Variants in GPC5 observed in about 807,000 individuals in gnomAD.
The protein encoded by GPC5 is glypican-5.
GPC5 carries 47 observed loss-of-function variants against 53.9 expected under a neutral mutation model. The ratio of observed to expected loss-of-function variants is 0.87; its 90% CI spans 0.69 to 1.11. The LOEUF is 1.11. Among genes scored for constraint, GPC5 ranks in the 50% most tolerant of loss-of-function variants. The pLI, the probability that GPC5 is intolerant of heterozygous loss-of-function variation, is 0.00. For synonymous variants in GPC5, 286 were observed against 263.3 expected, an observed-to-expected ratio of 1.09 and a Z score of -0.84; for missense variants, 748 against 713.1, an observed-to-expected ratio of 1.05 and a Z score of -0.56.
chr13:92,499,082 C>T (rs1377796695), intron 7 of GPC5, among the ~76,000 whole-genome samples: 1 of 151,896 alleles, frequency 6.6e-6, no homozygotes, highest in African/African-American at 2.4e-5. Context: ...TAGAGAGGAT[C>T]CTGGAATGTC....
intron 6 of GPC5, among the ~76,000 whole-genome samples, chr13:91,934,537 A>G (rs1029607195): frequency 3.3e-5 from 5 of 151,952 alleles, no homozygotes; most frequent in African/African-American, 1.2e-4. Flanking sequence ...ATCTTAAAAA[A>G]CTGGATGTCT....
At chr13:91,957,359 G>T (rs1594687035) in intron 6 of GPC5, among the ~76,000 whole-genome samples, 1 of 152,178 alleles carries the variant, frequency 6.6e-6, no homozygotes. Context: ...CACATTTTAG[G>T]TATCCCAGGA....
At chr13:92,000,846 G>C (rs750670216) in intron 6 of GPC5, among the ~76,000 whole-genome samples, 2 of 152,132 alleles carry the variant, frequency 1.3e-5, no homozygotes, top group Admixed American at 6.6e-5. Flanking sequence ...TATATGTAAG[G>C]CTAGGCAATG....
chr13:91,873,424 G>T (rs1486134901), intron 5 of GPC5, among the ~76,000 whole-genome samples: 1 of 152,140 alleles, frequency 6.6e-6, no homozygotes, highest in Non-Finnish European at 1.5e-5. Context: ...ATTCCCACCT[G>T]TTGAGGGAGT....
chr13:91,606,112 A>G (rs2139273365), intron 2 of GPC5, among the ~76,000 whole-genome samples: 1 of 133,256 alleles, frequency 7.5e-6, no homozygotes, highest in East Asian at 2.2e-4. Flanking sequence ...AGCTCTTATT[A>G]TTTTGAAATA....
rs753380099 is a variant in GPC5 at position 92,646,930 on chromosome 13, A to ATGTGTGTG, written c.1562-219322_1562-219315dup. Among the ~76,000 whole-genome samples the ATGTGTGTG allele has an allele frequency of 5.2e-3, 763 of 146,544 alleles. 2 individuals carry two copies. Among genetic ancestry groups the ATGTGTGTG allele is most frequent in the Middle Eastern group, 0.014 (4 of 284 alleles). On this transcript the variant is annotated intron_variant, in intron 7 of 7. Transcript: ENST00000377067. ...CATATATATGTAAATATATATAAAC[A>ATGTGTGTG]TGTGTGTGTGTGTGTGTGTGTGTGT...
chr13:91,425,007 A>G (rs1186711926), intron 1 of GPC5, among the ~76,000 whole-genome samples: 1 of 152,212 alleles, frequency 6.6e-6, no homozygotes, highest in Admixed American at 6.5e-5. Context: ...CTGCAGGTAG[A>G]AATAGGGTAG....
intron 2 of GPC5, among the ~76,000 whole-genome samples, chr13:91,496,437 C>G (rs760753466): frequency 2.6e-5 from 4 of 152,132 alleles, no homozygotes; most frequent in Non-Finnish European, 5.9e-5. Context: ...CAACGGAGCA[C>G]TATTCAACCA....
At chr13:92,647,453 A>G (rs763988313) in intron 7 of GPC5, among the ~76,000 whole-genome samples, 1 of 152,150 alleles carries the variant, frequency 6.6e-6, no homozygotes, top group Non-Finnish European at 1.5e-5. Context: ...AGCTGCCTAC[A>G]TAGGCTCAGG....
At chr13:91,900,092 T>C (rs79562924) in intron 5 of GPC5, among the ~76,000 whole-genome samples, 58 of 152,282 alleles carry the variant, frequency 3.8e-4, no homozygotes, top group Non-Finnish European at 6.3e-4. Context: ...AAAGTATATT[T>C]TAATGTAGCC....
chr13:91,669,474 C>T (rs771100277), intron 2 of GPC5, among the ~76,000 whole-genome samples: 5 of 152,258 alleles, frequency 3.3e-5, no homozygotes, highest in Admixed American at 6.5e-5. Flanking sequence ...TGGCCAGAAT[C>T]AATATTTCAA....
intron 2 of GPC5, among the ~76,000 whole-genome samples, chr13:91,579,097 A>G (rs970105470): frequency 2.0e-5 from 3 of 152,152 alleles, no homozygotes; most frequent in Admixed American, 6.5e-5. Context: ...GGAAAAGAAA[A>G]CAGAACCAAT....
chr13:92,490,689 A>G (rs972709319), intron 7 of GPC5, among the ~76,000 whole-genome samples: 1 of 152,100 alleles, frequency 6.6e-6, no homozygotes, highest in African/African-American at 2.4e-5. Flanking sequence ...TCACCTCTTC[A>G]TTTTTATGAC....
chr13:92,188,750 TGGA>T lies in GPC5; in HGVS notation c.1561+43765_1561+43767del, dbSNP rs759185595. On this transcript the variant is annotated intron_variant, in intron 7 of 7. Transcript: ENST00000377067. Reference sequence around the variant, plus strand: ...ATATGTTTAATTTTTATTTTGAACATGGAGGAAAAAGAATTGCTTAGTTGACAT... The same window carrying T: ...ATATGTTTAATTTTTATTTTGAACATGGAAAAAGAATTGCTTAGTTGACAT... Among the ~76,000 whole-genome samples, 166 of 152,186 alleles carry T rather than the reference TGGA, an allele frequency of 1.1e-3. 3 individuals carry two copies. The highest frequency in any genetic ancestry group is 3.7e-4 in the Non-Finnish European group (25 of 68,032).
chr13:91,998,755 T>C (rs1165915867), intron 6 of GPC5, among the ~76,000 whole-genome samples: 1 of 152,236 alleles, frequency 6.6e-6, no homozygotes, highest in Non-Finnish European at 1.5e-5. Flanking sequence ...TAATAAATGG[T>C]GTCTTTGCCA....
intron 5 of GPC5, among the ~76,000 whole-genome samples, chr13:91,826,534 A>G (rs1219250813): frequency 1.3e-5 from 2 of 152,226 alleles, no homozygotes; most frequent in African/African-American, 4.8e-5. Flanking sequence ...ATATTAAATT[A>G]CAAAATATTT....
At chr13:92,361,296 G>A (rs753744882) in intron 7 of GPC5, among the ~76,000 whole-genome samples, 1 of 151,560 alleles carries the variant, frequency 6.6e-6, no homozygotes, top group Non-Finnish European at 1.5e-5. Context: ...AATTAGAGTT[G>A]GAATCAGAAG....
At chr13:92,220,078 A>G (rs758804348) in intron 7 of GPC5, among the ~76,000 whole-genome samples, 23 of 152,216 alleles carry the variant, frequency 1.5e-4, no homozygotes, top group Non-Finnish European at 2.9e-4. Context: ...TTTTTGCTTA[A>G]ATTAATAATT....
Position 92,592,900 on chromosome 13 carries a change from C to A in GPC5, c.1562-273382C>A, listed in dbSNP as rs141183594. 8.5e-4 allele frequency among the ~76,000 whole-genome samples: 129 copies of A among 150,936 alleles called. 2 individuals are homozygous for A. Among genetic ancestry groups the A allele is most frequent in the African/African-American group, 2.9e-3 (120 of 41,166 alleles). On this transcript the variant is annotated intron_variant, in intron 7 of 7. Coordinates refer to ENST00000377067, the MANE Select transcript of GPC5 (RefSeq NM_004466.6). ...CATGCTTCGGTGGCCCTCATGCGTG[C>A]CCCTAGCTTTCTGTATTTCAGACTT...
Sources: allele counts gnomAD v4.1 joint callset (sites outside exome capture counted in the v4.1 genomes callset), GRCh38; gene constraint gnomAD v4.1.1; transcripts MANE v1.5; gene names NCBI Gene and HGNC (gene_info 2026-07-23, HGNC 2026-07-21).